Variants in GPHN observed in about 807,000 individuals in gnomAD.
GPHN encodes gephyrin.
GPHN carries 17 observed loss-of-function variants against 95.5 expected under a neutral mutation model. That is an observed-to-expected ratio of 0.18 (90% CI 0.12 to 0.27). The LOEUF (loss-of-function observed/expected upper bound fraction) is 0.27, where lower values mean the gene tolerates loss of function less well. Ranked by LOEUF, GPHN falls within the 10% of genes least tolerant of loss-of-function variation. The pLI, the probability that GPHN is intolerant of heterozygous loss-of-function variation, is 1.00. For synonymous variants in GPHN, 320 were observed against 322.5 expected, an observed-to-expected ratio of 0.99 and a Z score of 0.08; for missense variants, 660 against 978.1, an observed-to-expected ratio of 0.67 and a Z score of 4.34.
intron 2 of GPHN, among the ~76,000 whole-genome samples, chr14:66,718,213 G>T (rs1266422759): frequency 2.0e-5 from 3 of 152,140 alleles, no homozygotes; most frequent in Non-Finnish European, 4.4e-5. Flanking sequence ...CTTAAAGATG[G>T]TGTGTCTGGA....
At chr14:66,898,466 T>TAAAAAAAAAAAAA (rs59434196) in intron 5 of GPHN, among the ~76,000 whole-genome samples, 1 of 91,756 alleles carries the variant, frequency 1.1e-5, no homozygotes, top group South Asian at 4.8e-4. Flanking sequence ...GCTACTTGTT[T>TAAAAAAAAAAAAA]AAAAAAAAAA....
the GPHN span, among the ~76,000 whole-genome samples, chr14:67,556,341 GC>G: frequency 1.3e-5 from 2 of 152,234 alleles, no homozygotes. Context: ...TTGCTATGTT[GC>G]CCAGGCTGGT....
At chr14:66,885,428 A>C (rs1199281333) in intron 5 of GPHN, among the ~76,000 whole-genome samples, 1 of 152,142 alleles carries the variant, frequency 6.6e-6, no homozygotes, top group Non-Finnish European at 1.5e-5. Flanking sequence ...ACCATTCTCC[A>C]GTGCTCCAGC....
chr14:66,988,348 A>G (rs548086245), intron 9 of GPHN, among the ~76,000 whole-genome samples: 200 of 152,046 alleles, frequency 1.3e-3, no homozygotes, highest in African/African-American at 4.0e-3. Context: ...AGATTTTTCT[A>G]TTGGTCATGT....
At chr14:67,676,556 G>T in the GPHN span, among the ~76,000 whole-genome samples, 3 of 151,976 alleles carry the variant, frequency 2.0e-5, no homozygotes, top group African/African-American at 7.3e-5. Flanking sequence ...AAAGCAAGAC[G>T]CTGTCTCTAA....
chr14:66,864,666 G>A (rs112916642), intron 4 of GPHN, among the ~76,000 whole-genome samples: 1,549 of 152,142 alleles, frequency 0.01, 31 homozygotes, highest in African/African-American at 0.035. Flanking sequence ...CCAGTTACTC[G>A]GGAGGCTGAG....
At chr14:67,085,781 T>C (rs2153665862) in intron 11 of GPHN, among the ~76,000 whole-genome samples, 1 of 152,324 alleles carries the variant, frequency 6.6e-6, no homozygotes, top group African/African-American at 2.4e-5. Context: ...TTCACATTGT[T>C]CTGTAACCAT....
intron 5 of GPHN, among the ~76,000 whole-genome samples, chr14:66,911,918 C>T (rs1310097806): frequency 6.6e-6 from 1 of 152,012 alleles, no homozygotes. Context: ...ATCACCTTTG[C>T]AACCACCCTA....
chr14:66,787,064 A>G (rs1430116127), intron 3 of GPHN, among the ~76,000 whole-genome samples: 1 of 152,184 alleles, frequency 6.6e-6, no homozygotes, highest in Non-Finnish European at 1.5e-5. Context: ...ATTAGAAAGT[A>G]AGAAATAAAA....
chr14:67,259,717 C>T, the GPHN span, among the ~76,000 whole-genome samples: 1 of 151,874 alleles, frequency 6.6e-6, no homozygotes, highest in Non-Finnish European at 1.5e-5. Flanking sequence ...TAAGACCAGC[C>T]TGGGCAACAT....
At chr14:67,441,656 T>G in the GPHN span, among the ~76,000 whole-genome samples, 1 of 151,512 alleles carries the variant, frequency 6.6e-6, no homozygotes, top group African/African-American at 2.4e-5. Flanking sequence ...ATAGACTGAG[T>G]GAAGCAGACT....
At chr14:67,358,106 C>T in the GPHN span, among the ~76,000 whole-genome samples, 9 of 131,728 alleles carry the variant, frequency 6.8e-5, no homozygotes, top group African/African-American at 2.6e-4. Context: ...GCGGGGGCGG[C>T]GGGGGGCGGC....
the GPHN span, chr14:67,656,592 G>C: frequency 6.3e-7 from 1 of 1,597,250 alleles, no homozygotes; most frequent in Non-Finnish European, 8.5e-7. Context: ...AGCCGATTCT[G>C]AAAGAAGTAT....
intron 6 of GPHN, among the ~76,000 whole-genome samples, chr14:66,918,977 T>A (rs933668460): frequency 6.6e-6 from 1 of 152,174 alleles, no homozygotes; most frequent in Non-Finnish European, 1.5e-5. Context: ...GAGAAAGACC[T>A]CCACCTCTTC....
the GPHN span, among the ~76,000 whole-genome samples, chr14:67,642,800 T>TTTC: frequency 5.9e-5 from 6 of 101,474 alleles, no homozygotes; most frequent in East Asian, 9.6e-4. Context: ...TTTCTTTTTT[T>TTTC]TTTTTTTTTT....
chr14:67,210,892 T>C, the GPHN span, among the ~76,000 whole-genome samples: 2 of 152,120 alleles, frequency 1.3e-5, no homozygotes, highest in East Asian at 3.9e-4. Context: ...TAGTCCCAGC[T>C]ACTCAGGAGG....
At chr14:67,572,844 T>C in the GPHN span, among the ~76,000 whole-genome samples, 1 of 152,200 alleles carries the variant, frequency 6.6e-6, no homozygotes, top group Non-Finnish European at 1.5e-5. Flanking sequence ...GCCTGGCTGA[T>C]GTGTCCAGGT....
chr14:67,417,204 G>A, the GPHN span, among the ~76,000 whole-genome samples: 1 of 152,150 alleles, frequency 6.6e-6, no homozygotes, highest in Non-Finnish European at 1.5e-5. Context: ...GTTACTGATG[G>A]CAAGTTACTT....
intron 10 of GPHN, among the ~76,000 whole-genome samples, chr14:67,039,997 G>A (rs2074618385): frequency 6.6e-6 from 1 of 151,978 alleles, no homozygotes; most frequent in African/African-American, 2.4e-5. Flanking sequence ...TGATAATCTA[G>A]TTAAGAAAAT....
Sources: allele counts gnomAD v4.1 joint callset (sites outside exome capture counted in the v4.1 genomes callset), GRCh38; gene constraint gnomAD v4.1.1; transcripts MANE v1.5; gene names NCBI Gene and HGNC (gene_info 2026-07-23, HGNC 2026-07-21).